ZRANB3: variants seen among roughly 807,000 people sequenced by gnomAD.
ZRANB3 encodes the protein zinc finger RANBP2-type containing 3.
ZRANB3 carries 125 observed loss-of-function variants against 133.8 expected under a neutral mutation model. That is an observed-to-expected ratio of 0.93 (90% CI 0.81 to 1.08). ZRANB3 has a LOEUF of 1.08. Ranked by LOEUF, ZRANB3 falls within the 50% of genes least tolerant of loss-of-function variation. ZRANB3 has a pLI of 0.00. For missense variants in ZRANB3, 1,229 were observed against 1,275.5 expected (o/e 0.96, Z 0.56); for synonymous variants, 387 against 432.7 (o/e 0.89, Z 1.31).
In ZRANB3 at chr2:135,520,710, G is replaced by A. The variant is rs1188035788; in HGVS notation, c.-8+10417C>T. Reference sequence around the variant, plus strand: ...AGCAATTCTCCTGTCTCAGCCTCCCGAGGAGCTGGGCTTACAGGTGCCTGC... The same window carrying A: ...AGCAATTCTCCTGTCTCAGCCTCCCAAGGAGCTGGGCTTACAGGTGCCTGC... On this transcript the variant is annotated intron_variant, in intron 1 of 20. Coordinates refer to ENST00000264159, the MANE Select transcript of ZRANB3 (RefSeq NM_032143.4). 7.9e-5 allele frequency among the ~76,000 whole-genome samples: 12 copies of A among 151,982 alleles called. No homozygotes were observed. The South Asian group carries it at 1.7e-3, about 21-fold the overall frequency.
intron 2 of ZRANB3, among the ~76,000 whole-genome samples, chr2:135,469,873 G>A (rs79374252): frequency 6.6e-5 from 10 of 151,656 alleles, no homozygotes; most frequent in East Asian, 3.9e-4. Flanking sequence ...ATTAGCGGGC[G>A]TGGTGGCGGG....
Position 135,215,952 on chromosome 2 carries a change from C to T in ZRANB3, c.2495+1513G>A, listed in dbSNP as rs76475090. On this transcript the variant is annotated intron_variant, in intron 17 of 20. Coordinates refer to ENST00000264159, the MANE Select transcript of ZRANB3 (RefSeq NM_032143.4). Reference sequence around the variant, plus strand: ...AATGTCTCCAGACACTACCATCCTACGGGACCAAATTGCTCCAAATTGAAA... The same window carrying T: ...AATGTCTCCAGACACTACCATCCTATGGGACCAAATTGCTCCAAATTGAAA... 7.3e-3 allele frequency among the ~76,000 whole-genome samples: 1,105 copies of T among 152,164 alleles called. 11 individuals carry two copies. Among genetic ancestry groups the T allele is most frequent in the African/African-American group, 0.025 (1,044 of 41,504 alleles).
At chr2:135,393,708 A>G (rs1687349102) in intron 2 of ZRANB3, among the ~76,000 whole-genome samples, 1 of 152,202 alleles carries the variant, frequency 6.6e-6, no homozygotes, top group Non-Finnish European at 1.5e-5. Flanking sequence ...TAATTTTACA[A>G]ATAAAGAAAA....
At chr2:135,389,701 T>C (rs953907141) in intron 3 of ZRANB3, among the ~76,000 whole-genome samples, 5 of 152,056 alleles carry the variant, frequency 3.3e-5, no homozygotes, top group African/African-American at 1.2e-4. Flanking sequence ...CCAGATTCCG[T>C]CTCAAAAGAA....
intron 2 of ZRANB3, among the ~76,000 whole-genome samples, chr2:135,485,158 CAAAACA>C (rs1318459140): frequency 1.4e-5 from 2 of 141,998 alleles, no homozygotes; most frequent in African/African-American, 5.9e-5. Flanking sequence ...CAAAACAAAA[CAAAACA>C]AAACAAAACA....
At chr2:135,408,257 G>A (rs1224874026) in intron 2 of ZRANB3, among the ~76,000 whole-genome samples, 4 of 152,180 alleles carry the variant, frequency 2.6e-5, no homozygotes, top group Middle Eastern at 6.8e-3. Context: ...GAGAAATGCA[G>A]ATCAAAACCA....
intron 2 of ZRANB3, among the ~76,000 whole-genome samples, chr2:135,457,174 T>A (rs1314320657): frequency 1.3e-5 from 2 of 152,210 alleles, no homozygotes; most frequent in African/African-American, 2.4e-5. Context: ...TGGATACTAG[T>A]CCATTTTATG....
intron 2 of ZRANB3, among the ~76,000 whole-genome samples, chr2:135,481,434 T>C (rs1213792797): frequency 1.3e-5 from 2 of 152,232 alleles, no homozygotes; most frequent in Admixed American, 6.5e-5. Flanking sequence ...TGTCTGTTCA[T>C]ATCCTTTGCC....
At chr2:135,248,294 T>A (rs1001644775) in intron 12 of ZRANB3, among the ~76,000 whole-genome samples, 11 of 152,124 alleles carry the variant, frequency 7.2e-5, no homozygotes, top group Non-Finnish European at 1.3e-4. Context: ...GCTCGGCAAC[T>A]CCCTGTACAG....
chr2:135,200,562 T>C, intron 20 of ZRANB3, 122 bp from the exon 21 acceptor site: 1 of 791,154 alleles, frequency 1.3e-6, no homozygotes, highest in South Asian at 1.8e-5. Context: ...TTTCCAGTGG[T>C]TGGCTATGGA....
chr2:135,241,156 T>TA (rs1695532013), intron 12 of ZRANB3, among the ~76,000 whole-genome samples: 1 of 152,138 alleles, frequency 6.6e-6, no homozygotes, highest in Non-Finnish European at 1.5e-5. Context: ...TCCTTCCTCT[T>TA]AATTTTCTCT....
intron 2 of ZRANB3, among the ~76,000 whole-genome samples, chr2:135,481,114 C>A (rs978988567): frequency 5.3e-5 from 8 of 151,782 alleles, no homozygotes; most frequent in African/African-American, 1.9e-4. Context: ...ATTTATAGTC[C>A]TTTGGGTATA....
chr2:135,516,177 C>G (rs1169411444), intron 1 of ZRANB3, among the ~76,000 whole-genome samples: 1 of 151,448 alleles, frequency 6.6e-6, no homozygotes, highest in Non-Finnish European at 1.5e-5. Flanking sequence ...CTATGTGTGT[C>G]TTTGCACGTG....
intron 8 of ZRANB3, among the ~76,000 whole-genome samples, chr2:135,276,537 G>A (rs548515018): frequency 1.3e-3 from 205 of 152,146 alleles, no homozygotes; most frequent in Non-Finnish European, 2.4e-3. Context: ...AAGCAAATAC[G>A]AATTAAAGAG....
At chr2:135,230,272 G>A (rs975488821) in intron 13 of ZRANB3, among the ~76,000 whole-genome samples, 1 of 152,182 alleles carries the variant, frequency 6.6e-6, no homozygotes, top group Non-Finnish European at 1.5e-5. Context: ...ATGTCCATTT[G>A]TGCCAAATTA....
intron 2 of ZRANB3, among the ~76,000 whole-genome samples, chr2:135,406,944 T>C (rs1336626214): frequency 6.6e-6 from 1 of 151,814 alleles, no homozygotes; most frequent in South Asian, 2.1e-4. Context: ...CCACTCCTAT[T>C]CAACATAGTG....
chr2:135,260,687 A>T (rs1476558601), intron 12 of ZRANB3, among the ~76,000 whole-genome samples: 3 of 146,492 alleles, frequency 2.0e-5, no homozygotes, highest in African/African-American at 7.4e-5. Context: ...GAACATATTT[A>T]TATATATACT....
chr2:135,395,771 T>C (rs1276412394), intron 2 of ZRANB3, among the ~76,000 whole-genome samples: 1 of 152,118 alleles, frequency 6.6e-6, no homozygotes, highest in Non-Finnish European at 1.5e-5. Flanking sequence ...CAAAGATTTC[T>C]TGAGTAATAA....
intron 2 of ZRANB3, among the ~76,000 whole-genome samples, chr2:135,405,857 A>G (rs1299003637): frequency 6.6e-6 from 1 of 152,230 alleles, no homozygotes; most frequent in Non-Finnish European, 1.5e-5. Context: ...AAATGCCCAC[A>G]AGAGAAAGCA....
Sources: gnomAD v4.1 joint callset for allele counts (sites outside exome capture counted in the v4.1 genomes callset) on GRCh38, gnomAD v4.1.1 for gene constraint, MANE v1.5 for transcripts, NCBI Gene and HGNC (gene_info 2026-07-23, HGNC 2026-07-21) for gene names.